Variants in LLGL1 observed in about 807,000 individuals in gnomAD.
LLGL1 encodes LLGL scribble cell polarity complex component 1, also known as lethal(2) giant larvae protein homolog 1.
A neutral mutation model predicts 110.6 loss-of-function variants in LLGL1; 58 were observed. That is an observed-to-expected ratio of 0.52 (90% CI 0.42 to 0.65). LLGL1 has a LOEUF of 0.65. Ranked by LOEUF, LLGL1 falls within the 30% of genes least tolerant of loss-of-function variation. The probability of loss-of-function intolerance (pLI) is 0.00; values close to 1 mark genes in which losing one functional copy is unlikely to be tolerated. For missense variants in LLGL1, 1,229 were observed against 1,462.1 expected (o/e 0.84, Z 2.60); for synonymous variants, 674 against 607.2 (o/e 1.11, Z -1.62).
rs989865864 is a variant in LLGL1, at chr17:18,234,659, C to T, written c.861C>T (p.Pro287=). ...TGTCCCACCCCTCAGGCCCCTTTCC[C>T]TGCAAGGCCATTAACAAGATTCTGT... The part of the protein sequence containing the change: ...TVATTPYGPF[P]CKAINKILWR... Residue 287 remains proline, a synonymous_variant, in exon 8 of 23, where the codon CCC becomes CCT. Transcript: ENST00000316843. 1.2e-6 allele frequency: 2 copies of T among 1,614,036 alleles called. No homozygotes were observed. The highest frequency in any genetic ancestry group is 1.7e-6 in the Non-Finnish European group (2 of 1,180,020).
rs551332663 is a variant in LLGL1 at position 18,242,361 on chromosome 17, C to T, written c.2995+83C>T. ...GTCGGGACTCACATAGCTCAGGGAT[C>T]GGGCAGGCTTCTGTAGGAGATGGGT... is the stretch of plus-strand genomic sequence containing the variant. On this transcript the variant is annotated intron_variant, in intron 20 of 22. Transcript: ENST00000316843. 12 of 1,541,378 alleles carry T rather than the reference C, an allele frequency of 7.8e-6. 1 individual carries two copies. In the South Asian group the frequency reaches 1.1e-4, roughly 15 times the overall value.
At chr17:18,239,758 T>G (rs1457224976) in intron 16 of LLGL1, among the ~76,000 whole-genome samples, 4 of 151,976 alleles carry the variant, frequency 2.6e-5, no homozygotes, top group Non-Finnish European at 1.5e-5. Context: ...TCTTTGACTT[T>G]TTGTTTTTTT....
chr17:18,241,214 C>T (rs770713617), intron 17 of LLGL1: 18 of 613,848 alleles, frequency 2.9e-5, no homozygotes, highest in Non-Finnish European at 4.8e-5. Context: ...AGCTGCATAA[C>T]CTTGGCATAA....
intron 11 of LLGL1, 21 bp downstream of exon 11, chr17:18,235,558 G>A: frequency 6.2e-7 from 1 of 1,609,176 alleles, no homozygotes; most frequent in South Asian, 1.1e-5. Flanking sequence ...GTGCTTATGT[G>A]GGTGAGTGGG....
In LLGL1 at chr17:18,242,290, AT is replaced by A; in HGVS notation, c.2995+13del. ...CAGCATGGGACCTGGTGAGGGGGGC[AT>A]GAAAGGGGTCCAGACCCTGGCCCCA... On this transcript the variant is annotated intron_variant, in intron 20 of 22. Transcript: ENST00000316843. 1 of 1,608,204 alleles carries A rather than the reference AT, an allele frequency of 6.2e-7. No homozygotes were observed. The highest frequency in any genetic ancestry group is 8.5e-7 in the Non-Finnish European group (1 of 1,174,990).
At chr17:18,227,262 G>C (rs1340430121) in intron 1 of LLGL1, among the ~76,000 whole-genome samples, 1 of 152,210 alleles carries the variant, frequency 6.6e-6, no homozygotes, top group African/African-American at 2.4e-5. Flanking sequence ...CCTGAGAGGG[G>C]CCCAGAAGGG....
intron 4 of LLGL1, 104 bp from the exon 5 acceptor site, chr17:18,233,674 T>C (rs2290504): frequency 0.77 from 971,245 of 1,266,098 alleles, 373,274 homozygotes; most frequent in African/African-American, 0.83. Flanking sequence ...TGGTGAGTGC[T>C]GTGGGGCCAG....
chr17:18,238,324 C>T (rs2047742819), intron 15 of LLGL1, 110 bp downstream of exon 15: 1 of 1,574,662 alleles, frequency 6.4e-7, no homozygotes, highest in Non-Finnish European at 8.6e-7. Flanking sequence ...CCTCGGCAGC[C>T]CCTGGGCCCT....
intron 7 of LLGL1, 68 bp from the exon 8 acceptor site, chr17:18,234,581 C>T: frequency 1.3e-6 from 2 of 1,599,942 alleles, no homozygotes; most frequent in Non-Finnish European, 1.7e-6. Context: ...CAGTGGAGGG[C>T]AGAGCAGGAA....
At position 18,241,656 on chromosome 17, in the gene LLGL1, G is replaced by A; in HGVS notation, c.2708G>A (p.Cys903Tyr). The change falls in exon 18 of 23, where the codon TGC becomes TAC. Residue 903 changes from cysteine (C) to tyrosine (Y), a missense_variant. By Grantham distance (194) the Cys-to-Tyr change is radical (BLOSUM62 -2). Coordinates refer to ENST00000316843, the MANE Select transcript of LLGL1 (RefSeq NM_004140.4). ...PGLRPQVHYS[C>Y]IRKEDISGIA... is the part of the protein sequence containing the mutation. Reference sequence around the variant, plus strand: ...CTGCGGCCCCAGGTGCACTATTCCTGCATCCGGAAGGAGGACATCAGCGGC... The same window carrying A: ...CTGCGGCCCCAGGTGCACTATTCCTACATCCGGAAGGAGGACATCAGCGGC... The A allele has an allele frequency of 6.2e-7, 1 of 1,613,684 alleles. No homozygotes were observed. Among genetic ancestry groups the A allele is most frequent in the Non-Finnish European group, 8.5e-7 (1 of 1,180,020 alleles).
chr17:18,241,327 G>A, intron 17 of LLGL1, 124 bp from the exon 18 acceptor site: 1 of 1,282,536 alleles, frequency 7.8e-7, no homozygotes, highest in South Asian at 1.4e-5. Flanking sequence ...TACAGGCACG[G>A]GAGGCCACGT....
rs2047948906 is a variant in LLGL1, at chr17:18,244,719, CGGCGGGGG to C, written c.*816_*823del. 1 of 14,250 alleles carries C rather than the reference CGGCGGGGG, an allele frequency of 7.0e-5. No homozygotes were observed. Among genetic ancestry groups the C allele is most frequent in the African/African-American group, 1.1e-3 (1 of 914 alleles). 0.9% of individuals were successfully genotyped at this position (14,250 alleles called of 1,614,324 possible). A position where few individuals can be genotyped will look rare whatever the true frequency, so the allele number is the denominator to read the frequency against. ...TGGGGCCTAGTCAGGTGTGTGTGTCCGGCGGGGGGGGGGGGCAGGGGGGGGGGTCAAGA... is the reference window on the plus strand; with the variant it reads ...TGGGGCCTAGTCAGGTGTGTGTGTCCGGGGGGGCAGGGGGGGGGGTCAAGA... On this transcript the variant is annotated 3_prime_UTR_variant, in exon 23 of 23. Transcript: ENST00000316843.
In LLGL1 at chr17:18,240,410, T is replaced by A. The variant is rs969035812; in HGVS notation, c.2207-168T>A. Among the ~76,000 whole-genome samples, 2 of 151,702 alleles carry A rather than the reference T, an allele frequency of 1.3e-5. No homozygotes were observed. The highest frequency in any genetic ancestry group is 4.8e-5 in the African/African-American group (2 of 41,264). On this transcript the variant is annotated intron_variant, in intron 16 of 22. Transcript: ENST00000316843. The surrounding 1 kb of genome is among the most constrained non-coding windows in gnomAD (Gnocchi z 5.3). ...GGGTCTCAGGCCTCGAGGCTGGAGG[T>A]CACCAGGGAGGCATGGGGCAGGAGG...
At chr17:18,238,726 G>T in intron 16 of LLGL1, 117 bp downstream of exon 16, 1 of 1,059,654 alleles carries the variant, frequency 9.4e-7, no homozygotes, top group South Asian at 1.5e-5. Flanking sequence ...CCAGGAGGTG[G>T]CTGGGCACGG....
At chr17:18,231,675 T>C (rs2047573020) in intron 2 of LLGL1, among the ~76,000 whole-genome samples, 1 of 152,190 alleles carries the variant, frequency 6.6e-6, no homozygotes, top group Admixed American at 6.5e-5. Context: ...TTTTGTTTTT[T>C]TGAGATGGAG....
Position 18,234,090 on chromosome 17 carries a change from A to C in LLGL1, c.629A>C (p.Lys210Thr), listed in dbSNP as rs775468676. ...SLQGHLRDPTKILIGYSRGLL... is the reference protein window; with the variant it reads ...SLQGHLRDPTTILIGYSRGLL... Reference sequence around the variant, plus strand: ...CAGGGACACCTGCGGGACCCCACAAAGATTCTCATTGGCTACAGCCGGGGC... The same window carrying C: ...CAGGGACACCTGCGGGACCCCACAACGATTCTCATTGGCTACAGCCGGGGC... Residue 210 changes from lysine to threonine, a missense_variant, in exon 6 of 23, where the codon AAG becomes ACG. By Grantham distance (78) the Lys-to-Thr change is moderately conservative (BLOSUM62 -1). Coordinates refer to ENST00000316843, the MANE Select transcript of LLGL1 (RefSeq NM_004140.4). 6.2e-7 allele frequency: 1 copy of C among 1,612,134 alleles called. No homozygotes were observed. Among genetic ancestry groups the C allele is most frequent in the Non-Finnish European group, 8.5e-7 (1 of 1,179,010 alleles).
chr17:18,241,278 TAC>T (rs1442815534), intron 17 of LLGL1, 171 bp from the exon 18 acceptor site: 6 of 743,872 alleles, frequency 8.1e-6, no homozygotes, highest in Non-Finnish European at 1.3e-5. Flanking sequence ...GTTTCTGGAG[TAC>T]AGTGTGAAGT....
chr17:18,241,451 G>A lies in LLGL1; in HGVS notation c.2503G>A (p.Val835Met). 1 of 1,611,604 alleles carries A rather than the reference G, an allele frequency of 6.2e-7. No individual in the cohort carries two copies. The highest frequency in any genetic ancestry group is 8.5e-7 in the Non-Finnish European group (1 of 1,179,132). ...VLIASEEQFK[V>M]FTLPKVSAKT... ...GTGCTCACCAGCCACCTGCTGTCAG[G>A]TGTTCACACTGCCCAAGGTGAGCGC... Residue 835 changes from valine (V) to methionine (M), a missense_variant and splice_region_variant, in exon 18 of 23, where the codon GTG becomes ATG. Physicochemically the swap from Val to Met is conservative, Grantham distance 21. Coordinates refer to ENST00000316843, the MANE Select transcript of LLGL1 (RefSeq NM_004140.4).
intron 19 of LLGL1, 34 bp from the exon 20 acceptor site, chr17:18,242,132 A>G: frequency 6.3e-7 from 1 of 1,583,526 alleles, no homozygotes; most frequent in Non-Finnish European, 8.7e-7. Flanking sequence ...CAAGTCATCC[A>G]CCTATGGTCC....
Sources: allele counts gnomAD v4.1 joint callset (sites outside exome capture counted in the v4.1 genomes callset), GRCh38; gene constraint gnomAD v4.1.1; non-coding constraint Gnocchi (gnomAD v3.1); transcripts MANE v1.5; gene names NCBI Gene and HGNC (gene_info 2026-07-23, HGNC 2026-07-21).